TCF7L1: variants seen among roughly 807,000 people sequenced by gnomAD.
The protein encoded by TCF7L1 is transcription factor 7-like 1.
TCF7L1 carries 18 observed loss-of-function variants against 63.7 expected under a neutral mutation model. The observed-to-expected ratio is 0.28, with a 90% CI of 0.20 to 0.42. The LOEUF (loss-of-function observed/expected upper bound fraction) is 0.42, where lower values mean the gene tolerates loss of function less well. TCF7L1 is among the 10% of genes least tolerant of loss of function. The pLI is 1.00. For missense variants in TCF7L1, 654 were observed against 779.3 expected, an observed-to-expected ratio of 0.84 and a Z score of 1.91; for synonymous variants, 355 against 340.9, an observed-to-expected ratio of 1.04 and a Z score of -0.46.
chr2:85,225,284 T>C (rs1478725497), intron 3 of TCF7L1, among the ~76,000 whole-genome samples: 3 of 152,194 alleles, frequency 2.0e-5, no homozygotes, highest in African/African-American at 7.2e-5. Context: ...CCATATGAAA[T>C]TTAAAGTAGT....
chr2:85,202,831 G>A (rs760133365), intron 3 of TCF7L1, among the ~76,000 whole-genome samples: 18 of 151,998 alleles, frequency 1.2e-4, no homozygotes, highest in Non-Finnish European at 2.4e-4. Context: ...AAGTACCTCC[G>A]AACTCTTTTT....
chr2:85,164,766 A>G (rs1198116947), intron 3 of TCF7L1, among the ~76,000 whole-genome samples: 1 of 152,234 alleles, frequency 6.6e-6, no homozygotes, highest in East Asian at 1.9e-4. Context: ...ATTTTTAAAA[A>G]ATGTTTGTGG....
chr2:85,185,918 G>A (rs1678910258), intron 3 of TCF7L1, among the ~76,000 whole-genome samples: 1 of 151,704 alleles, frequency 6.6e-6, no homozygotes, highest in African/African-American at 2.4e-5. Context: ...CAGCCTGCCA[G>A]GAGATACGAG....
chr2:85,274,359 G>C (rs1339918435), intron 3 of TCF7L1, among the ~76,000 whole-genome samples: 2 of 152,288 alleles, frequency 1.3e-5, no homozygotes, highest in East Asian at 3.9e-4. Context: ...CCCTGGTCAG[G>C]GCCACCACAG....
At position 85,174,584 on chromosome 2, in the gene TCF7L1, G is replaced by T; in HGVS notation, c.441+40134G>T. 1.3e-5 allele frequency among the ~76,000 whole-genome samples: 2 copies of T among 152,180 alleles called. 1 individual carries two copies. Among genetic ancestry groups the T allele is most frequent in the Non-Finnish European group, 2.9e-5 (2 of 68,030 alleles). On this transcript the variant is annotated intron_variant, in intron 3 of 11. Coordinates refer to ENST00000282111, the MANE Select transcript of TCF7L1 (RefSeq NM_031283.3). ...CAAAAATGGGCCTTCCCCCATTTCT[G>T]TGGCTGTTCTGTGCTGGTGTGCAGT... is the stretch of plus-strand genomic sequence containing the variant.
intron 3 of TCF7L1, among the ~76,000 whole-genome samples, chr2:85,162,489 C>T (rs150343099): frequency 9.8e-4 from 149 of 152,296 alleles, no homozygotes; most frequent in Non-Finnish European, 1.7e-3. Context: ...CAGCTTCACT[C>T]GAGCAGTGGT....
chr2:85,168,490 T>C (rs1304030632), intron 3 of TCF7L1, among the ~76,000 whole-genome samples: 1 of 151,976 alleles, frequency 6.6e-6, no homozygotes, highest in South Asian at 2.1e-4. Flanking sequence ...CCTCAGGTGG[T>C]GTGGGGGTGT....
intron 3 of TCF7L1, among the ~76,000 whole-genome samples, chr2:85,157,071 A>G (rs377179456): frequency 1.3e-5 from 2 of 152,228 alleles, no homozygotes; most frequent in South Asian, 4.1e-4. Flanking sequence ...GTACATATAC[A>G]CATATTATAT....
intron 3 of TCF7L1, among the ~76,000 whole-genome samples, chr2:85,138,153 C>G (rs568246506): frequency 2.0e-5 from 3 of 152,130 alleles, no homozygotes; most frequent in Admixed American, 2.0e-4. Context: ...GAACCTCTTT[C>G]GTTCAGCACA....
chr2:85,181,762 A>C (rs1299784339), intron 3 of TCF7L1, among the ~76,000 whole-genome samples: 2 of 152,068 alleles, frequency 1.3e-5, no homozygotes, highest in Non-Finnish European at 2.9e-5. Flanking sequence ...ATCCTCAGGG[A>C]GGGTTCCCAG....
intron 3 of TCF7L1, among the ~76,000 whole-genome samples, chr2:85,149,143 A>C (rs147195073): frequency 1.3e-3 from 197 of 152,310 alleles, no homozygotes; most frequent in African/African-American, 4.5e-3. Flanking sequence ...ATGCATAAAC[A>C]AAAGCAATTA....
At chr2:85,173,991 T>C (rs997052127) in intron 3 of TCF7L1, among the ~76,000 whole-genome samples, 1 of 152,220 alleles carries the variant, frequency 6.6e-6, no homozygotes, top group African/African-American at 2.4e-5. Context: ...CGCCTCAGCC[T>C]CACAAAGTGC....
In TCF7L1 at chr2:85,153,340, A is replaced by ATTTTTTTTT. The variant is rs66697146; in HGVS notation, c.441+18901_441+18909dup. ...TTCATGATCTTGCTAGCCTTTATAA[A>ATTTTTTTTT]TTTTTTTTTTTTTTTTTTTGAGATG... is the stretch of plus-strand genomic sequence containing the variant. On this transcript the variant is annotated intron_variant, in intron 3 of 11. Transcript: ENST00000282111. Among the ~76,000 whole-genome samples the ATTTTTTTTT allele has an allele frequency of 9.0e-4, 92 of 102,262 alleles. 8 individuals carry two copies. Among genetic ancestry groups the ATTTTTTTTT allele is most frequent in the African/African-American group, 2.7e-3 (64 of 23,750 alleles). 67.1% of individuals were successfully genotyped at this position (102,262 alleles called of 152,430 possible).
intron 3 of TCF7L1, among the ~76,000 whole-genome samples, chr2:85,185,960 ATTTTT>A (rs67142055): frequency 1.8e-3 from 174 of 94,616 alleles, no homozygotes; most frequent in African/African-American, 7.4e-3. Flanking sequence ...AACACAGGGG[ATTTTT>A]TTTTTTTTTT....
At chr2:85,147,891 C>T (rs144220057) in intron 3 of TCF7L1, among the ~76,000 whole-genome samples, 111 of 152,054 alleles carry the variant, frequency 7.3e-4, no homozygotes, top group African/African-American at 2.4e-3. Flanking sequence ...ATAAACCCAT[C>T]GTAAAGTCAA....
chr2:85,295,361 C>T (rs1558659341), intron 4 of TCF7L1, among the ~76,000 whole-genome samples: 1 of 151,970 alleles, frequency 6.6e-6, no homozygotes, highest in Non-Finnish European at 1.5e-5. Context: ...GCCCGCATGC[C>T]CGGCTAATTT....
At chr2:85,156,342 G>A (rs1678144818) in intron 3 of TCF7L1, among the ~76,000 whole-genome samples, 1 of 152,158 alleles carries the variant, frequency 6.6e-6, no homozygotes, top group Non-Finnish European at 1.5e-5. Flanking sequence ...TCTTCCTCAG[G>A]AATGACCACC....
intron 3 of TCF7L1, among the ~76,000 whole-genome samples, chr2:85,271,597 A>G (rs866387412): frequency 1.6e-4 from 24 of 152,322 alleles, no homozygotes; most frequent in South Asian, 1.2e-3. Flanking sequence ...TAACACGATA[A>G]TTCTTGCCCA....
chr2:85,293,179 G>A (rs1365794994), intron 4 of TCF7L1, among the ~76,000 whole-genome samples: 1 of 152,172 alleles, frequency 6.6e-6, no homozygotes, highest in African/African-American at 2.4e-5. Flanking sequence ...AGGTGATATG[G>A]TGTGGATCTG....
Sources: allele counts gnomAD v4.1 joint callset (sites outside exome capture counted in the v4.1 genomes callset), GRCh38; gene constraint gnomAD v4.1.1; transcripts MANE v1.5; gene names NCBI Gene and HGNC (gene_info 2026-07-23, HGNC 2026-07-21).